KLHL1: variants seen among roughly 807,000 people sequenced by gnomAD.
KLHL1 encodes kelch-like protein 1.
KLHL1 carries 47 observed loss-of-function variants against 77.7 expected under a neutral mutation model. The observed-to-expected ratio is 0.60, with a 90% confidence interval of 0.48 to 0.77. The LOEUF (loss-of-function observed/expected upper bound fraction) is 0.77. Ranked by LOEUF, KLHL1 falls within the 30% of genes least tolerant of loss-of-function variation. The pLI is 0.00. For missense variants in KLHL1, 925 were observed against 910.8 expected, an observed-to-expected ratio of 1.02 and a Z score of -0.20; for synonymous variants, 360 against 325.2, an observed-to-expected ratio of 1.11 and a Z score of -1.15.
chr13:69,827,626 A>G lies in KLHL1; in HGVS notation c.1414+11350T>C, dbSNP rs191708932. On this transcript the variant is annotated intron_variant, in intron 6 of 10. Coordinates refer to ENST00000377844, the MANE Select transcript of KLHL1 (RefSeq NM_020866.3). ...ATGGCTGTAATCCCAGCTACTCGGG[A>G]GGCTGAGGTAGGGGAATCTCGTGAA... is the stretch of plus-strand genomic sequence containing the variant. Among the ~76,000 whole-genome samples, 788 of 148,450 alleles carry G rather than the reference A, an allele frequency of 5.3e-3. 10 individuals carry two copies. Among genetic ancestry groups the G allele is most frequent in the African/African-American group, 0.018 (724 of 40,514 alleles).
chr13:69,813,798 A>G (rs1878003508), intron 6 of KLHL1, among the ~76,000 whole-genome samples: 1 of 152,212 alleles, frequency 6.6e-6, no homozygotes. Context: ...GGAAGAATCA[A>G]TATCATTAAA....
At chr13:70,059,504 C>T (rs1886825502) in intron 1 of KLHL1, among the ~76,000 whole-genome samples, 2 of 152,018 alleles carry the variant, frequency 1.3e-5, no homozygotes, top group Admixed American at 1.3e-4. Flanking sequence ...CTCATAAGCA[C>T]AGGAAATCAA....
intron 1 of KLHL1, among the ~76,000 whole-genome samples, chr13:69,983,471 T>C (rs943537288): frequency 1.3e-5 from 2 of 151,598 alleles, no homozygotes; most frequent in Non-Finnish European, 2.9e-5. Flanking sequence ...CTCGGTGCGG[T>C]GGTTCCCACC....
chr13:69,744,219 A>T (rs1874106896), intron 7 of KLHL1, among the ~76,000 whole-genome samples: 1 of 152,022 alleles, frequency 6.6e-6, no homozygotes, highest in Non-Finnish European at 1.5e-5. Context: ...TAGAGAAGAA[A>T]TGGCCAGATA....
intron 6 of KLHL1, among the ~76,000 whole-genome samples, chr13:69,820,077 T>G (rs1878273224): frequency 6.6e-6 from 1 of 152,210 alleles, no homozygotes; most frequent in Admixed American, 6.5e-5. Context: ...TGCTCCTTCA[T>G]GGGCTTGTAT....
chr13:69,914,672 C>G (rs1039526806), intron 4 of KLHL1, among the ~76,000 whole-genome samples: 1 of 152,116 alleles, frequency 6.6e-6, no homozygotes, highest in African/African-American at 2.4e-5. Flanking sequence ...TATTCATGTG[C>G]TTTAGCTTAT....
intron 4 of KLHL1, among the ~76,000 whole-genome samples, chr13:69,901,862 A>G (rs1881878687): frequency 7.5e-6 from 1 of 134,012 alleles, no homozygotes; most frequent in African/African-American, 2.8e-5. Flanking sequence ...CAATGGCGCC[A>G]TCTTGGCTCA....
chr13:69,868,968 C>T (rs1420587958), intron 5 of KLHL1, among the ~76,000 whole-genome samples: 2 of 152,022 alleles, frequency 1.3e-5, no homozygotes, highest in African/African-American at 4.8e-5. Flanking sequence ...TATGGCATCA[C>T]GTAGTAATTC....
At chr13:69,721,161 G>A (rs1254124395) in intron 8 of KLHL1, among the ~76,000 whole-genome samples, 1 of 127,726 alleles carries the variant, frequency 7.8e-6, no homozygotes, top group Non-Finnish European at 1.7e-5. Flanking sequence ...TCTGCTCACG[G>A]AGATAAGTGA....
At chr13:69,844,483 C>A (rs1219194524) in intron 5 of KLHL1, among the ~76,000 whole-genome samples, 1 of 151,506 alleles carries the variant, frequency 6.6e-6, no homozygotes, top group African/African-American at 2.4e-5. Flanking sequence ...CTTATAAACA[C>A]CATAGCTTGT....
At position 69,701,366 on chromosome 13, in the gene KLHL1, A is replaced by G. The variant is rs1281742783; in HGVS notation, c.*336T>C. ...TTGAATGAGTTGTGGTCATGAAACT[A>G]TCCATGTCACAAATATTGGTCTCTC... is the stretch of plus-strand genomic sequence containing the variant. On this transcript the variant is annotated 3_prime_UTR_variant, in exon 11 of 11. Coordinates refer to ENST00000377844, the MANE Select transcript of KLHL1 (RefSeq NM_020866.3). 1.5e-5 allele frequency: 3 copies of G among 204,354 alleles called. No homozygotes were observed. The highest frequency in any genetic ancestry group is 1.1e-4 in the South Asian group (1 of 9,430). The allele number at this position is 204,354 out of a possible 1,614,324, so 12.7% of individuals were successfully genotyped here. A position where few individuals can be genotyped will look rare whatever the true frequency, so the allele number is the denominator to read the frequency against.
chr13:69,958,438 T>C (rs1318012747), intron 3 of KLHL1, among the ~76,000 whole-genome samples: 1 of 148,680 alleles, frequency 6.7e-6, no homozygotes, highest in Non-Finnish European at 1.5e-5. Flanking sequence ...CTATAAAAGT[T>C]ATTTTTTCAA....
At chr13:70,103,035 G>C (rs1887961429) in intron 1 of KLHL1, among the ~76,000 whole-genome samples, 1 of 152,068 alleles carries the variant, frequency 6.6e-6, no homozygotes, top group South Asian at 2.1e-4. Context: ...TTTTTAAAAA[G>C]TAGAGAACAG....
chr13:70,006,582 G>A (rs949975093), intron 1 of KLHL1, among the ~76,000 whole-genome samples: 2 of 148,864 alleles, frequency 1.3e-5, no homozygotes, highest in African/African-American at 5.0e-5. Flanking sequence ...CACCAGTGAA[G>A]CCATTTGTCC....
chr13:69,983,597 A>AAAAAAAAAAAAAAAAAAAACAAACAAC (rs1884777418), intron 1 of KLHL1, among the ~76,000 whole-genome samples: 1 of 138,280 alleles, frequency 7.2e-6, no homozygotes, highest in African/African-American at 3.2e-5. Flanking sequence ...AAAAAGAAGA[A>AAAAAAAAAAAAAAAAAAAACAAACAAC]GAAGAAGAGA....
rs1227515321 is a variant in KLHL1 at position 69,714,589 on chromosome 13, A to AT, written c.2015+4779dup. On this transcript the variant is annotated intron_variant, in intron 9 of 10. Transcript: ENST00000377844. ...AATTATTTTTATTTTATTTTATTTT[A>AT]TTTATTTATTTATATATTTTTTGAG... Among the ~76,000 whole-genome samples the AT allele has an allele frequency of 2.0e-5, 3 of 151,560 alleles. No homozygotes were observed. The East Asian group carries it at 5.8e-4, about 29-fold the overall frequency.
intron 4 of KLHL1, among the ~76,000 whole-genome samples, chr13:69,886,087 G>A (rs1881205769): frequency 6.6e-6 from 1 of 152,010 alleles, no homozygotes; most frequent in Non-Finnish European, 1.5e-5. Context: ...ATGGAGTAGA[G>A]GTAGTCTAAA....
intron 4 of KLHL1, among the ~76,000 whole-genome samples, chr13:69,908,567 T>C (rs1005600247): frequency 6.6e-6 from 1 of 150,500 alleles, no homozygotes; most frequent in Non-Finnish European, 1.5e-5. Flanking sequence ...CACTAAAATA[T>C]AAAAGATTCA....
chr13:69,724,617 G>T (rs1873216590), intron 8 of KLHL1, among the ~76,000 whole-genome samples: 1 of 151,944 alleles, frequency 6.6e-6, no homozygotes, highest in Admixed American at 6.6e-5. Context: ...CATAATACCT[G>T]CAAACTGAAT....
Sources: allele counts gnomAD v4.1 joint callset (sites outside exome capture counted in the v4.1 genomes callset), GRCh38; gene constraint gnomAD v4.1.1; transcripts MANE v1.5; gene names NCBI Gene and HGNC (gene_info 2026-07-23, HGNC 2026-07-21).